The following TNR variants were observed in gnomAD, a reference collection of about 807,000 sequenced individuals.
TNR encodes tenascin-R.
A neutral mutation model predicts 150.4 loss-of-function variants in TNR; 45 were observed. The ratio of observed to expected loss-of-function variants is 0.30; its 90% CI spans 0.24 to 0.38. The LOEUF (loss-of-function observed/expected upper bound fraction) is 0.38. Ranked by LOEUF, TNR falls within the 10% of genes least tolerant of loss-of-function variation. TNR has a pLI of 1.00. For missense variants in TNR, 1,544 were observed against 1,759.1 expected (o/e 0.88, Z 2.19); for synonymous variants, 687 against 678.4 (o/e 1.01, Z -0.20).
At chr1:175,642,181 C>T (rs1279084244) in intron 1 of TNR, among the ~76,000 whole-genome samples, 3 of 152,128 alleles carry the variant, frequency 2.0e-5, no homozygotes, top group Non-Finnish European at 2.9e-5. Context: ...GAACACTTCC[C>T]CCACCACCCG....
intron 2 of TNR, among the ~76,000 whole-genome samples, chr1:175,497,080 T>C (rs1259560866): frequency 1.3e-5 from 2 of 152,242 alleles, no homozygotes; most frequent in Middle Eastern, 3.2e-3. Context: ...ATTTTCTTAA[T>C]TGTGATACTA....
intron 1 of TNR, among the ~76,000 whole-genome samples, chr1:175,711,402 G>A (rs60977529): frequency 0.048 from 7,337 of 152,244 alleles, 447 homozygotes; most frequent in African/African-American, 0.13. Flanking sequence ...ACAGGAAGGA[G>A]GCCAGTGTGG....
rs1313921976 is a variant in TNR, at chr1:175,323,429, A to G, written c.4005T>C (p.Phe1335=). Residue 1335 remains phenylalanine, a synonymous_variant, in exon 23 of 23, where the codon TTT becomes TTC. Transcript: ENST00000367674. ...HWKGHEFSIP[F]VEMKMRPYNH... ...TGTAGGGGCGCATCTTCATTTCCAC[A>G]AAGGGGATGGAGAACTCATGGCCTT... is the stretch of plus-strand genomic sequence containing the variant. 6.2e-7 allele frequency: 1 copy of G among 1,614,068 alleles called. No homozygotes were observed. Among genetic ancestry groups the G allele is most frequent in the Admixed American group, 1.7e-5 (1 of 60,024 alleles).
intron 18 of TNR, among the ~76,000 whole-genome samples, chr1:175,353,998 A>G (rs1253865069): frequency 6.6e-6 from 1 of 152,034 alleles, no homozygotes; most frequent in Non-Finnish European, 1.5e-5. Flanking sequence ...GGCACACACC[A>G]CCATGCCCAA....
At chr1:175,487,800 C>T (rs1457964966) in intron 2 of TNR, among the ~76,000 whole-genome samples, 1 of 152,146 alleles carries the variant, frequency 6.6e-6, no homozygotes, top group Non-Finnish European at 1.5e-5. Context: ...GGTAGTGCCT[C>T]TTGTTTTTAA....
chr1:175,618,008 G>A (rs574780340), intron 1 of TNR, among the ~76,000 whole-genome samples: 7 of 152,162 alleles, frequency 4.6e-5, no homozygotes, highest in African/African-American at 1.7e-4. Context: ...ATCACTCCTA[G>A]GTAGAAGTAC....
At chr1:175,475,709 A>G (rs1412930169) in intron 2 of TNR, among the ~76,000 whole-genome samples, 2 of 152,198 alleles carry the variant, frequency 1.3e-5, no homozygotes, top group Non-Finnish European at 2.9e-5. Context: ...TTCCTTCAAG[A>G]AGGCAATTAC....
intron 2 of TNR, among the ~76,000 whole-genome samples, chr1:175,449,789 TC>T (rs1482803662): frequency 6.6e-6 from 1 of 152,176 alleles, no homozygotes; most frequent in Non-Finnish European, 1.5e-5. Flanking sequence ...AGGAGAGGCC[TC>T]TGAGTTAAGA....
chr1:175,726,439 T>G (rs1241455321), intron 1 of TNR, among the ~76,000 whole-genome samples: 1 of 152,230 alleles, frequency 6.6e-6, no homozygotes, highest in Admixed American at 6.5e-5. Flanking sequence ...AACCTTAATA[T>G]GAAAGTAAAG....
At chr1:175,492,631 C>T (rs1030423134) in intron 2 of TNR, among the ~76,000 whole-genome samples, 1 of 152,032 alleles carries the variant, frequency 6.6e-6, no homozygotes, top group Non-Finnish European at 1.5e-5. Flanking sequence ...AGGGTTAATG[C>T]TCTAGTCAAA....
At chr1:175,362,334 A>G (rs1445630705) in intron 14 of TNR, among the ~76,000 whole-genome samples, 5 of 152,152 alleles carry the variant, frequency 3.3e-5, no homozygotes, top group Admixed American at 3.3e-4. Flanking sequence ...TTCTCATCTG[A>G]GTCTTTTACA....
intron 1 of TNR, among the ~76,000 whole-genome samples, chr1:175,538,233 A>C (rs967257639): frequency 6.6e-6 from 1 of 152,206 alleles, no homozygotes; most frequent in Non-Finnish European, 1.5e-5. Context: ...GTACAAGATC[A>C]AAGCAGAGAG....
At chr1:175,391,821 A>G (rs1016136602) in intron 6 of TNR, among the ~76,000 whole-genome samples, 1 of 152,262 alleles carries the variant, frequency 6.6e-6, no homozygotes, top group Admixed American at 6.5e-5. Context: ...CGTAATGAAC[A>G]TGCCCCCGGC....
At chr1:175,483,005 C>T (rs975010653) in intron 2 of TNR, among the ~76,000 whole-genome samples, 1 of 152,198 alleles carries the variant, frequency 6.6e-6, no homozygotes, top group African/African-American at 2.4e-5. Context: ...TTGAGCAATT[C>T]CTCCAAACTG....
chr1:175,627,938 G>A (rs1664205739), intron 1 of TNR, among the ~76,000 whole-genome samples: 1 of 152,186 alleles, frequency 6.6e-6, no homozygotes, highest in Non-Finnish European at 1.5e-5. Context: ...AGCAGTCTCA[G>A]CTGCCCCAAT....
intron 14 of TNR, among the ~76,000 whole-genome samples, chr1:175,362,314 AG>A (rs1415901607): frequency 6.6e-6 from 1 of 152,130 alleles, no homozygotes; most frequent in African/African-American, 2.4e-5. Flanking sequence ...TTTCTTCTCG[AG>A]GTGAAATTTT....
intron 18 of TNR, among the ~76,000 whole-genome samples, chr1:175,343,494 T>C (rs897238797): frequency 2.0e-5 from 3 of 152,198 alleles, no homozygotes; most frequent in African/African-American, 7.2e-5. Context: ...AAGAAAGACT[T>C]CCTACTATAG....
intron 2 of TNR, among the ~76,000 whole-genome samples, chr1:175,435,221 T>C (rs914612280): frequency 6.6e-6 from 1 of 152,118 alleles, no homozygotes; most frequent in Non-Finnish European, 1.5e-5. Flanking sequence ...GGGTGAGACA[T>C]GAAGGTGGCT....
intron 2 of TNR, among the ~76,000 whole-genome samples, chr1:175,413,443 G>T (rs1013747204): frequency 6.6e-6 from 1 of 152,228 alleles, no homozygotes; most frequent in Admixed American, 6.5e-5. Flanking sequence ...ATCTCCTTTA[G>T]AGAGGTCCCA....
Sources: gnomAD v4.1 joint callset for allele counts (sites outside exome capture counted in the v4.1 genomes callset) on GRCh38, gnomAD v4.1.1 for gene constraint, MANE v1.5 for transcripts, NCBI Gene and HGNC (gene_info 2026-07-23, HGNC 2026-07-21) for gene names.